The following ATXN7L1 variants were observed in gnomAD, a reference collection of about 807,000 sequenced individuals.
ATXN7L1 encodes ataxin 7 like 1.
A neutral mutation model predicts 70.8 loss-of-function variants in ATXN7L1; 15 were observed. That is an observed-to-expected ratio of 0.21 (90% CI 0.14 to 0.33). The LOEUF (loss-of-function observed/expected upper bound fraction) is 0.33. ATXN7L1 is among the 10% of genes least tolerant of loss of function. ATXN7L1 has a pLI of 1.00. For missense variants in ATXN7L1, 975 were observed against 1,097.1 expected (o/e 0.89, Z 1.57); for synonymous variants, 440 against 445.1 (o/e 0.99, Z 0.14).
intron 3 of ATXN7L1, among the ~76,000 whole-genome samples, chr7:105,757,198 T>A (rs1360309285): frequency 2.0e-5 from 3 of 151,352 alleles, no homozygotes; most frequent in African/African-American, 7.3e-5. Flanking sequence ...GGGATTGTAT[T>A]TTTGAAAAAA....
intron 3 of ATXN7L1, among the ~76,000 whole-genome samples, chr7:105,685,982 G>A (rs1806142256): frequency 1.3e-5 from 2 of 152,186 alleles, no homozygotes; most frequent in African/African-American, 2.4e-5. Flanking sequence ...AGGGGAAGAA[G>A]GAGAGGAAGT....
chr7:105,721,002 G>C (rs1024288074), intron 3 of ATXN7L1, among the ~76,000 whole-genome samples: 9 of 152,144 alleles, frequency 5.9e-5, no homozygotes, highest in African/African-American at 1.2e-4. Flanking sequence ...TGGCTTCGCT[G>C]CCCTGCCTCT....
intron 3 of ATXN7L1, among the ~76,000 whole-genome samples, chr7:105,687,955 C>T (rs950243888): frequency 2.6e-5 from 4 of 152,212 alleles, no homozygotes; most frequent in Non-Finnish European, 2.9e-5. Context: ...TATTGTTCTT[C>T]GGTGCTCTCA....
intron 3 of ATXN7L1, chr7:105,679,184 T>A: frequency 1.0e-6 from 1 of 968,434 alleles, no homozygotes; most frequent in Non-Finnish European, 1.2e-6. Flanking sequence ...ACTTCCCCTT[T>A]AAGAGAGCAC....
At chr7:105,615,092 G>A (rs1254689708) in intron 9 of ATXN7L1, among the ~76,000 whole-genome samples, 1 of 152,030 alleles carries the variant, frequency 6.6e-6, no homozygotes, top group Non-Finnish European at 1.5e-5. Context: ...TTGGGTTCAT[G>A]AATAAAAGGT....
At chr7:105,805,657 C>T (rs953608439) in intron 2 of ATXN7L1, among the ~76,000 whole-genome samples, 11 of 152,190 alleles carry the variant, frequency 7.2e-5, no homozygotes, top group South Asian at 2.1e-4. Flanking sequence ...GCTCATGCTG[C>T]GGCAGAGGGC....
chr7:105,671,568 C>T (rs1056561807), intron 3 of ATXN7L1, among the ~76,000 whole-genome samples: 2 of 146,460 alleles, frequency 1.4e-5, no homozygotes, highest in African/African-American at 5.2e-5. Flanking sequence ...TCTGCTCTCA[C>T]CCGTTCTGTC....
At chr7:105,637,988 G>A (rs1284299808) in intron 7 of ATXN7L1, among the ~76,000 whole-genome samples, 2 of 152,194 alleles carry the variant, frequency 1.3e-5, no homozygotes, top group Non-Finnish European at 2.9e-5. Context: ...CAGGCAGCCA[G>A]GAAGTCACCT....
chr7:105,613,822 C>G, intron 10 of ATXN7L1, 40 bp downstream of exon 10: 2 of 1,551,652 alleles, frequency 1.3e-6, no homozygotes, highest in Non-Finnish European at 1.7e-6. Context: ...CTCCCCCTGC[C>G]CCCCAGAGCC....
At chr7:105,825,996 A>C (rs947506012) in intron 2 of ATXN7L1, among the ~76,000 whole-genome samples, 2 of 152,166 alleles carry the variant, frequency 1.3e-5, no homozygotes, top group African/African-American at 4.8e-5. Flanking sequence ...TATGTGATGG[A>C]AGGTTCCGAG....
chr7:105,716,223 T>G (rs984543268), intron 3 of ATXN7L1, among the ~76,000 whole-genome samples: 2 of 152,144 alleles, frequency 1.3e-5, no homozygotes, highest in Non-Finnish European at 2.9e-5. Flanking sequence ...ATTATATAAA[T>G]TCATTATATA....
chr7:105,713,117 T>G, intron 3 of ATXN7L1, among the ~76,000 whole-genome samples: 1 of 152,112 alleles, frequency 6.6e-6, no homozygotes, highest in Non-Finnish European at 1.5e-5. Context: ...ATGGGGGAAG[T>G]GCTAGACACT....
At chr7:105,792,199 G>A (rs1214680652) in intron 2 of ATXN7L1, among the ~76,000 whole-genome samples, 1 of 152,206 alleles carries the variant, frequency 6.6e-6, no homozygotes, top group African/African-American at 2.4e-5. Context: ...TCCCCTCCAG[G>A]CCTTTCCCGT....
chr7:105,788,666 T>G lies in ATXN7L1; in HGVS notation c.293A>C (p.Tyr98Ser), dbSNP rs770073423. ...GTTACAGGCACTGCACACTACGAGA[T>G]AGAAGTCGTCATGTGCTGGGTAATG... ...FGHYPAHDDF[Y>S]LVVCSACNQV... The change falls in exon 3 of 12, where the codon TAT becomes TCT. Residue 98 changes from tyrosine (Y) to serine (S), a missense_variant. This residue lies in a region of ATXN7L1 where 135 missense variants were observed against 132.6 expected (regional missense o/e 1.02). Coordinates refer to ENST00000419735, the MANE Select transcript of ATXN7L1 (RefSeq NM_020725.2). The G allele has an allele frequency of 6.2e-7, 1 of 1,613,856 alleles. No individual in the cohort carries two copies. The highest frequency in any genetic ancestry group is 1.3e-5 in the African/African-American group (1 of 74,868).
At chr7:105,732,803 C>G (rs911523754) in intron 3 of ATXN7L1, among the ~76,000 whole-genome samples, 18 of 152,174 alleles carry the variant, frequency 1.2e-4, no homozygotes, top group Non-Finnish European at 2.1e-4. Context: ...GTTTACTTCC[C>G]CCTCCAGTCA....
intron 3 of ATXN7L1, among the ~76,000 whole-genome samples, chr7:105,696,723 C>T (rs1180316464): frequency 6.6e-6 from 1 of 152,218 alleles, no homozygotes; most frequent in Non-Finnish European, 1.5e-5. Context: ...CGCTGTTTTG[C>T]TAATGCAGAC....
At chr7:105,815,583 G>C (rs774867285) in intron 2 of ATXN7L1, among the ~76,000 whole-genome samples, 1 of 152,164 alleles carries the variant, frequency 6.6e-6, no homozygotes, top group South Asian at 2.1e-4. Flanking sequence ...TCAGACTGAG[G>C]GAAGGACAAA....
chr7:105,859,098 T>C (rs183265670), intron 2 of ATXN7L1, among the ~76,000 whole-genome samples: 34 of 152,186 alleles, frequency 2.2e-4, no homozygotes, highest in African/African-American at 8.2e-4. Flanking sequence ...GGGTATCAGA[T>C]ATGAGTATGG....
chr7:105,863,042 T>A lies in ATXN7L1; in HGVS notation c.250+12770A>T, dbSNP rs180975976. 2.0e-5 allele frequency among the ~76,000 whole-genome samples: 3 copies of A among 152,212 alleles called. No individual in the cohort carries two copies. In the East Asian group the frequency reaches 5.8e-4, roughly 29 times the overall value. On this transcript the variant is annotated intron_variant, in intron 2 of 11. Coordinates refer to ENST00000419735, the MANE Select transcript of ATXN7L1 (RefSeq NM_020725.2). ...CTAATGTGGCAGTATTGAAGAGTGA[T>A]CTCCGCTCCATCATCCTAGAGAGCA...
Sources: allele counts gnomAD v4.1 joint callset (sites outside exome capture counted in the v4.1 genomes callset), GRCh38; gene constraint gnomAD v4.1.1; regional missense constraint gnomAD v4.1.1; transcripts MANE v1.5; gene names NCBI Gene and HGNC (gene_info 2026-07-23, HGNC 2026-07-21).